The following AKAP6 variants were observed in gnomAD, a reference collection of about 807,000 sequenced individuals.
AKAP6 encodes A-kinase anchoring protein 6, also known as A-kinase anchor protein 6.
Under a neutral mutation model 188.5 loss-of-function variants are expected in AKAP6, and 58 were observed. The ratio of observed to expected loss-of-function variants is 0.31; its 90% CI spans 0.25 to 0.38. AKAP6 has a LOEUF of 0.38. AKAP6 is among the 10% of genes least tolerant of loss of function. AKAP6 has a pLI of 1.00. For missense variants in AKAP6, 2,710 were observed against 2,740.0 expected, an observed-to-expected ratio of 0.99 and a Z score of 0.24; for synonymous variants, 989 against 998.6, an observed-to-expected ratio of 0.99 and a Z score of 0.18.
intron 2 of AKAP6, among the ~76,000 whole-genome samples, chr14:32,449,094 A>G (rs1890847621): frequency 6.6e-6 from 1 of 152,230 alleles, no homozygotes; most frequent in South Asian, 2.1e-4. Flanking sequence ...TTAACTCTCC[A>G]GTCTGCTCTA....
intron 2 of AKAP6, among the ~76,000 whole-genome samples, chr14:32,468,206 T>A (rs1594646325): frequency 6.6e-6 from 1 of 152,300 alleles, no homozygotes; most frequent in East Asian, 1.9e-4. Context: ...ACTGGCACCT[T>A]GAACACAGTA....
intron 9 of AKAP6, among the ~76,000 whole-genome samples, chr14:32,704,885 GTTCTAGTTT>G (rs2139728048): frequency 6.6e-6 from 1 of 152,146 alleles, no homozygotes; most frequent in Admixed American, 6.6e-5. Context: ...TTTTATCATC[GTTCTAGTTT>G]TTATAGTTTA....
intron 7 of AKAP6, among the ~76,000 whole-genome samples, chr14:32,652,107 A>G (rs181681409): frequency 2.6e-3 from 396 of 152,184 alleles, no homozygotes; most frequent in African/African-American, 8.6e-3. Context: ...TCCATGCTCA[A>G]TTGACTCTAG....
chr14:32,439,261 C>T (rs1271909103), intron 2 of AKAP6, among the ~76,000 whole-genome samples: 1 of 152,158 alleles, frequency 6.6e-6, no homozygotes, highest in East Asian at 1.9e-4. Context: ...GGATTGAATC[C>T]TCTCCACAGC....
At chr14:32,332,425 G>A (rs919001886) in intron 1 of AKAP6, among the ~76,000 whole-genome samples, 5 of 152,046 alleles carry the variant, frequency 3.3e-5, no homozygotes, top group Admixed American at 3.3e-4. Flanking sequence ...TTGATCAGAT[G>A]TGAATATTTA....
rs555060598 is a variant in AKAP6, at chr14:32,509,324, C to T, written c.325-26230C>T. ...TGTATTTTTAGTAGAGACGGGGTTTCGCCATGTTGTCCAGGCTGGTCTTAA... is the reference window on the plus strand; with the variant it reads ...TGTATTTTTAGTAGAGACGGGGTTTTGCCATGTTGTCCAGGCTGGTCTTAA... On this transcript the variant is annotated intron_variant, in intron 2 of 13. Coordinates refer to ENST00000280979, the MANE Select transcript of AKAP6 (RefSeq NM_004274.5). Among the ~76,000 whole-genome samples the T allele has an allele frequency of 8.6e-5, 13 of 151,812 alleles. 1 individual carries two copies. In the East Asian group the frequency reaches 1.9e-3, roughly 23 times the overall value.
At chr14:32,728,349 TC>T in intron 9 of AKAP6, among the ~76,000 whole-genome samples, 1 of 19,652 alleles carries the variant, frequency 5.1e-5, no homozygotes, top group East Asian at 4.2e-3. Flanking sequence ...CTCAGTGTAT[TC>T]TATCTATCTA....
intron 6 of AKAP6, 113 bp from the exon 7 acceptor site, chr14:32,600,516 T>C (rs1885881277): frequency 1.7e-6 from 2 of 1,180,378 alleles, no homozygotes; most frequent in Non-Finnish European, 2.3e-6. Context: ...ATGGTAATGG[T>C]CATTTAAAAA....
At chr14:32,810,669 C>T (rs1043529669) in intron 12 of AKAP6, among the ~76,000 whole-genome samples, 1 of 152,186 alleles carries the variant, frequency 6.6e-6, no homozygotes, top group Non-Finnish European at 1.5e-5. Flanking sequence ...AACTTGTGAA[C>T]TTCCCAGTCG....
intron 7 of AKAP6, among the ~76,000 whole-genome samples, chr14:32,626,922 G>GC (rs1435153014): frequency 6.6e-6 from 1 of 152,026 alleles, no homozygotes; most frequent in Non-Finnish European, 1.5e-5. Context: ...TGCTTTATTG[G>GC]CAAATGGATG....
intron 3 of AKAP6, among the ~76,000 whole-genome samples, chr14:32,540,158 C>CTATATATA (rs1566563373): frequency 8.9e-6 from 1 of 112,756 alleles, no homozygotes; most frequent in East Asian, 2.3e-4. Context: ...CTCTCTCTCT[C>CTATATATA]TCTCTCTCTC....
intron 5 of AKAP6, among the ~76,000 whole-genome samples, chr14:32,581,874 G>C (rs1282311298): frequency 6.6e-6 from 1 of 151,768 alleles, no homozygotes; most frequent in Non-Finnish European, 1.5e-5. Context: ...CTTTTATTTT[G>C]AGCCTATGTG....
Position 32,546,270 on chromosome 14 carries a change from G to T in AKAP6, c.1617G>T (p.Lys539Asn). Residue 539 changes from lysine (K) to asparagine (N), a missense_variant, in exon 4 of 14, where the codon AAG becomes AAT. Transcript: ENST00000280979. ...VPNGELSYTS[K>N]AIEGPQTNSA... ...ATGGAGAGCTTTCTTATACTTCCAA[G>T]GCCATAGAGGGGCCACAAACAAATT... is the stretch of plus-strand genomic sequence containing the variant. 9.3e-6 allele frequency: 15 copies of T among 1,614,134 alleles called. No individual in the cohort carries two copies. The highest frequency in any genetic ancestry group is 1.3e-5 in the Non-Finnish European group (15 of 1,180,024).
At chr14:32,393,244 G>T (rs556503185) in intron 1 of AKAP6, among the ~76,000 whole-genome samples, 3 of 151,756 alleles carry the variant, frequency 2.0e-5, no homozygotes, top group Non-Finnish European at 2.9e-5. Flanking sequence ...AACTGAAAAG[G>T]GTATTTAATA....
At chr14:32,656,099 G>A (rs1888442902) in intron 7 of AKAP6, among the ~76,000 whole-genome samples, 1 of 152,066 alleles carries the variant, frequency 6.6e-6, no homozygotes, top group South Asian at 2.1e-4. Context: ...AATACCAACA[G>A]AACTAATTTG....
intron 11 of AKAP6, among the ~76,000 whole-genome samples, chr14:32,738,060 G>T (rs2031509225): frequency 6.6e-6 from 1 of 152,072 alleles, no homozygotes; most frequent in Non-Finnish European, 1.5e-5. Flanking sequence ...TGAAGGTGTG[G>T]TCCTAAGAGC....
At chr14:32,719,006 A>C (rs1270248400) in intron 9 of AKAP6, among the ~76,000 whole-genome samples, 1 of 152,214 alleles carries the variant, frequency 6.6e-6, no homozygotes, top group Non-Finnish European at 1.5e-5. Flanking sequence ...CCTCATCTGA[A>C]GTGAAGGCAC....
chr14:32,600,975 C>G (rs1416880522), intron 7 of AKAP6, among the ~76,000 whole-genome samples, 183 bp downstream of exon 7: 1 of 152,072 alleles, frequency 6.6e-6, no homozygotes, highest in Non-Finnish European at 1.5e-5. Flanking sequence ...CCTTCAACTT[C>G]CAAGTTTTCC....
intron 11 of AKAP6, among the ~76,000 whole-genome samples, chr14:32,746,126 T>C (rs951604060): frequency 1.3e-5 from 2 of 152,092 alleles, no homozygotes. Flanking sequence ...AGTCCTGGAA[T>C]TGGGGACCCC....
Sources: allele counts gnomAD v4.1 joint callset (sites outside exome capture counted in the v4.1 genomes callset), GRCh38; gene constraint gnomAD v4.1.1; transcripts MANE v1.5; gene names NCBI Gene and HGNC (gene_info 2026-07-23, HGNC 2026-07-21).